DHX36: variants seen among roughly 807,000 people sequenced by gnomAD.
DHX36 encodes the protein DEAH-box helicase 36, also known as ATP-dependent DNA/RNA helicase DHX36.
Under a neutral mutation model 139.0 loss-of-function variants are expected in DHX36, and 50 were observed. The ratio of observed to expected loss-of-function variants is 0.36; its 90% CI spans 0.29 to 0.46. DHX36 has a LOEUF of 0.46. DHX36 is among the 20% of genes least tolerant of loss of function. The pLI is 1.00. For missense variants in DHX36, 1,024 were observed against 1,211.3 expected, an observed-to-expected ratio of 0.85 and a Z score of 2.29; for synonymous variants, 425 against 401.9, an observed-to-expected ratio of 1.06 and a Z score of -0.69.
chr3:154,289,863 G>A lies in DHX36; in HGVS notation c.1815-37C>T, dbSNP rs752710257. On this transcript the variant is annotated intron_variant, in intron 15 of 24. Coordinates refer to ENST00000496811, the MANE Select transcript of DHX36 (RefSeq NM_020865.3). Reference sequence around the variant, plus strand: ...AACAAAACAAAATGAAACAAAGAGGGACAGTCATCAATGACTTTTTAGAAC... The same window carrying A: ...AACAAAACAAAATGAAACAAAGAGGAACAGTCATCAATGACTTTTTAGAAC... The A allele has an allele frequency of 2.5e-5, 33 of 1,326,152 alleles. No homozygotes were observed. The African/African-American group carries it at 3.7e-4, about 15-fold the overall frequency. The allele number at this position is 1,326,152 out of a possible 1,614,324, so 82.1% of individuals were successfully genotyped here. A position where few individuals can be genotyped will look rare whatever the true frequency, so the allele number is the denominator to read the frequency against.
rs1559949883 is a variant in DHX36 at position 154,292,707 on chromosome 3, CAG to C, written c.1671-15_1671-14del. Reference sequence around the variant, plus strand: ...ATCTATGGTAATGCTGTTTGGAAAACAGATATATAAAATGTTAAAACACACAC... The same window carrying C: ...ATCTATGGTAATGCTGTTTGGAAAACATATATAAAATGTTAAAACACACAC... On this transcript the variant is annotated splice_polypyrimidine_tract_variant and intron_variant, in intron 14 of 24. Transcript: ENST00000496811. 1 of 1,605,678 alleles carries C rather than the reference CAG, an allele frequency of 6.2e-7. No individual in the cohort carries two copies. The highest frequency in any genetic ancestry group is 1.7e-5 in the Admixed American group (1 of 58,802).
chr3:154,283,239 T>A lies in DHX36; in HGVS notation c.2325A>T (p.Arg775Ser), dbSNP rs1263556631. ...ATTCCCAGCAATAGTCCTTTTCGTA[T>A]CTGAAACCACGTCGCCTAGCCTCTT... ...GWEEARRRGF[R>S]YEKDYCWEYF... is the part of the protein sequence containing the mutation. The change falls in exon 20 of 25, where the codon AGA (arginine) becomes AGT (serine). Residue 775 changes from arginine to serine, a missense_variant. Physicochemically the swap from Arg to Ser is moderately radical, Grantham distance 110. Coordinates refer to ENST00000496811, the MANE Select transcript of DHX36 (RefSeq NM_020865.3). 6.2e-7 allele frequency: 1 copy of A among 1,613,902 alleles called. No homozygotes were observed. The highest frequency in any genetic ancestry group is 8.5e-7 in the Non-Finnish European group (1 of 1,179,804).
In DHX36 at chr3:154,286,914, T is replaced by C. The variant is rs192896838; in HGVS notation, c.2032-1927A>G. On this transcript the variant is annotated intron_variant, in intron 17 of 24. Coordinates refer to ENST00000496811, the MANE Select transcript of DHX36 (RefSeq NM_020865.3). ...CACTGTGTCCCTCAAACTCCTGGGCTCAAGCAGTCCTCCCACCTCAGTCTC... is the reference window on the plus strand; with the variant it reads ...CACTGTGTCCCTCAAACTCCTGGGCCCAAGCAGTCCTCCCACCTCAGTCTC... Among the ~76,000 whole-genome samples the C allele has an allele frequency of 3.2e-3, 485 of 152,204 alleles. 1 individual carries two copies. The highest frequency in any genetic ancestry group is 0.011 in the African/African-American group (451 of 41,538).
Position 154,318,470 on chromosome 3 carries a change from C to T in DHX36, c.244-2307G>A, listed in dbSNP as rs551018433. Among the ~76,000 whole-genome samples the T allele has an allele frequency of 3.3e-5, 5 of 152,062 alleles. No individual in the cohort carries two copies. The South Asian group carries it at 6.2e-4, about 19-fold the overall frequency. On this transcript the variant is annotated intron_variant, in intron 1 of 24. Transcript: ENST00000496811. ...CACAATACATTGCCCACTTCCTGCC[C>T]GTAACAGCACAAAAGATTATTCTAA... is the stretch of plus-strand genomic sequence containing the variant.
At chr3:154,289,925 C>T in intron 15 of DHX36, 99 bp from the exon 16 acceptor site, 1 of 655,016 alleles carries the variant, frequency 1.5e-6, no homozygotes, top group Non-Finnish European at 2.7e-6. Context: ...TAGCCAATAT[C>T]AATTTCTTAC....
chr3:154,279,969 A>C (rs898766151), intron 22 of DHX36: 3 of 152,132 alleles, frequency 2.0e-5, no homozygotes, highest in African/African-American at 7.2e-5. Context: ...ATCAAATTAA[A>C]AACTCATGCA....
chr3:154,299,375 G>C (rs1302546249), intron 12 of DHX36, among the ~76,000 whole-genome samples: 3 of 151,820 alleles, frequency 2.0e-5, no homozygotes, highest in Non-Finnish European at 4.4e-5. Context: ...AAATTTTATA[G>C]AAAAAAAGGT....
Position 154,311,683 on chromosome 3 carries a change from TAA to T in DHX36, c.604-11_604-10del. The stretch of plus-strand genomic sequence containing the variant: ...AGCTTTTCTCTGAAATGCTGAAATT[TAA>T]AAAAAGTTTTAAATTTTCACAGAAG... On this transcript the variant is annotated splice_polypyrimidine_tract_variant and intron_variant, in intron 3 of 24. Coordinates refer to ENST00000496811, the MANE Select transcript of DHX36 (RefSeq NM_020865.3). The T allele has an allele frequency of 6.3e-7, 1 of 1,594,174 alleles. No individual in the cohort carries two copies. Among genetic ancestry groups the T allele is most frequent in the Non-Finnish European group, 8.5e-7 (1 of 1,172,588 alleles).
chr3:154,300,823 G>A lies in DHX36; in HGVS notation c.1359-127C>T, dbSNP rs548043599. 2.5e-6 allele frequency: 3 copies of A among 1,215,256 alleles called. No homozygotes were observed. The South Asian group carries it at 4.0e-5, about 16-fold the overall frequency. The allele number at this position is 1,215,256 out of a possible 1,614,324, so 75.3% of individuals were successfully genotyped here. A position where few individuals can be genotyped will look rare whatever the true frequency, so the allele number is the denominator to read the frequency against. On this transcript the variant is annotated intron_variant, in intron 10 of 24. Coordinates refer to ENST00000496811, the MANE Select transcript of DHX36 (RefSeq NM_020865.3). ...ATCTACAGATCGGAGAGAATTACTG[G>A]GGTAATTACTGCTTAAAAGTCAAAT... is the stretch of plus-strand genomic sequence containing the variant.
chr3:154,312,497 A>C (rs1559958475), intron 3 of DHX36, among the ~76,000 whole-genome samples: 1 of 152,082 alleles, frequency 6.6e-6, no homozygotes, highest in East Asian at 1.9e-4. Context: ...GTAAAAAAAA[A>C]ACTTCAGTGG....
intron 19 of DHX36, 54 bp from the exon 20 acceptor site, chr3:154,283,325 T>C: frequency 8.2e-7 from 1 of 1,223,036 alleles, no homozygotes; most frequent in Non-Finnish European, 1.2e-6. Flanking sequence ...CAAAGATTAC[T>C]ACTGGTTTCC....
At chr3:154,301,200 A>G in intron 9 of DHX36, 73 bp from the exon 10 acceptor site, 1 of 1,414,230 alleles carries the variant, frequency 7.1e-7, no homozygotes, top group Non-Finnish European at 9.5e-7. Context: ...GTGACATTTT[A>G]TATTTAGGAT....
chr3:154,284,736 AAAACGCTAATG>A (rs1347364567), intron 18 of DHX36, 67 bp from the exon 19 acceptor site: 9 of 1,592,978 alleles, frequency 5.6e-6, no homozygotes, highest in Admixed American at 1.8e-5. Flanking sequence ...ACATTCTAAT[AAAACGCTAATG>A]AAAAATATAT....
chr3:154,305,424 ACTG>A (rs1209214355), intron 6 of DHX36: 1 of 327,150 alleles, frequency 3.1e-6, no homozygotes, highest in Non-Finnish European at 5.6e-6. Flanking sequence ...TCAGACAACA[ACTG>A]AATTACTTAT....
intron 12 of DHX36, among the ~76,000 whole-genome samples, chr3:154,298,982 T>C (rs899006735): frequency 6.6e-6 from 1 of 152,054 alleles, no homozygotes; most frequent in Non-Finnish European, 1.5e-5. Flanking sequence ...TTAGAAATTA[T>C]ATTCAGAGGC....
chr3:154,272,937 G>A lies in DHX36; in HGVS notation c.*3234C>T, dbSNP rs1455965558. On this transcript the variant is annotated 3_prime_UTR_variant, in exon 25 of 25. Transcript: ENST00000496811. ...AATAGAGAATGCCTTGCAACAATTG[G>A]TGTAAGTTTATCTAGAGCTTTTGCC... The A allele has an allele frequency of 2.0e-5, 3 of 152,110 alleles. No individual in the cohort carries two copies. The highest frequency in any genetic ancestry group is 4.4e-5 in the Non-Finnish European group (3 of 68,018). 9.4% of individuals were successfully genotyped at this position (152,110 alleles called of 1,614,324 possible). A position where few individuals can be genotyped will look rare whatever the true frequency, so the allele number is the denominator to read the frequency against.
chr3:154,276,729 T>A lies in DHX36; in HGVS notation c.2841+18A>T. 5 of 1,611,098 alleles carry A rather than the reference T, an allele frequency of 3.1e-6. No individual in the cohort carries two copies. Among genetic ancestry groups the A allele is most frequent in the Non-Finnish European group, 4.2e-6 (5 of 1,178,410 alleles). ...TGACTTACATGTAGATTTAAGATAA[T>A]CACATAAAGTCAGTCACCTTAACAA... On this transcript the variant is annotated intron_variant, in intron 24 of 24. Coordinates refer to ENST00000496811, the MANE Select transcript of DHX36 (RefSeq NM_020865.3).
At chr3:154,309,624 A>G (rs770431356) in intron 5 of DHX36, 29 bp downstream of exon 5, 1 of 1,552,128 alleles carries the variant, frequency 6.4e-7, no homozygotes, top group South Asian at 1.2e-5. Flanking sequence ...TTAAAAAGAC[A>G]ATTTTTAATA....
intron 15 of DHX36, among the ~76,000 whole-genome samples, chr3:154,291,330 G>C (rs1166344186): frequency 6.6e-6 from 1 of 152,116 alleles, no homozygotes; most frequent in Non-Finnish European, 1.5e-5. Flanking sequence ...CGAAGGATTA[G>C]TATTTAGCTC....
Sources: gnomAD v4.1 joint callset for allele counts (sites outside exome capture counted in the v4.1 genomes callset) on GRCh38, gnomAD v4.1.1 for gene constraint, MANE v1.5 for transcripts, NCBI Gene and HGNC (gene_info 2026-07-23, HGNC 2026-07-21) for gene names.